CDH18: variants seen among roughly 807,000 people sequenced by gnomAD.
CDH18 encodes cadherin-18.
CDH18 carries 31 observed loss-of-function variants against 67.9 expected under a neutral mutation model. That is an observed-to-expected ratio of 0.46 (90% CI 0.34 to 0.62). The LOEUF (loss-of-function observed/expected upper bound fraction) is 0.62, where lower values mean the gene tolerates loss of function less well. Among genes scored for constraint, CDH18 ranks in the 20% least tolerant of loss-of-function variants. The pLI, the probability that CDH18 is intolerant of heterozygous loss-of-function variation, is 0.01. For missense variants in CDH18, 890 were observed against 975.5 expected, an observed-to-expected ratio of 0.91 and a Z score of 1.17; for synonymous variants, 362 against 347.2, an observed-to-expected ratio of 1.04 and a Z score of -0.48.
chr5:20,084,155 T>C (rs1348757622), intron 2 of CDH18, among the ~76,000 whole-genome samples: 1 of 152,198 alleles, frequency 6.6e-6, no homozygotes, highest in Non-Finnish European at 1.5e-5. Flanking sequence ...AGTTACTTCC[T>C]AGATACAGTT....
intron 1 of CDH18, among the ~76,000 whole-genome samples, chr5:20,491,988 T>C (rs1052008821): frequency 1.3e-5 from 2 of 152,158 alleles, no homozygotes; most frequent in Non-Finnish European, 2.9e-5. Context: ...TGTTTTATTT[T>C]ATTCAATATA....
intron 1 of CDH18, among the ~76,000 whole-genome samples, chr5:20,439,973 AATAT>A (rs2150188882): frequency 6.6e-6 from 1 of 151,962 alleles, no homozygotes; most frequent in South Asian, 2.1e-4. Context: ...GTATTGCTAT[AATAT>A]TGCTGTAAGA....
chr5:19,675,504 A>G (rs1759363087), intron 5 of CDH18, among the ~76,000 whole-genome samples: 1 of 152,086 alleles, frequency 6.6e-6, no homozygotes, highest in Non-Finnish European at 1.5e-5. Context: ...TGCTGAGAAA[A>G]AGAATTCAGC....
chr5:19,821,731 C>A (rs2149949499), intron 3 of CDH18, among the ~76,000 whole-genome samples: 1 of 152,200 alleles, frequency 6.6e-6, no homozygotes, highest in South Asian at 2.1e-4. Context: ...AAATCACTTA[C>A]AAAGGGAACC....
At chr5:19,518,352 T>C (rs114533165) in intron 10 of CDH18, among the ~76,000 whole-genome samples, 10,811 of 152,236 alleles carry the variant, frequency 0.071, 486 homozygotes, top group African/African-American at 0.13. Flanking sequence ...AACAAAATGC[T>C]ACCTAAATAT....
At chr5:19,736,410 G>T (rs750752400) in intron 4 of CDH18, among the ~76,000 whole-genome samples, 10 of 151,998 alleles carry the variant, frequency 6.6e-5, no homozygotes, top group Admixed American at 2.0e-4. Context: ...CTTCACAGGT[G>T]GGGGAGACAT....
intron 1 of CDH18, among the ~76,000 whole-genome samples, chr5:20,518,535 T>C (rs1012725899): frequency 6.6e-6 from 1 of 152,170 alleles, no homozygotes; most frequent in African/African-American, 2.4e-5. Flanking sequence ...AATTGCACAC[T>C]GAGGAAGATG....
At chr5:19,582,367 A>G (rs1743410071) in intron 7 of CDH18, among the ~76,000 whole-genome samples, 1 of 152,032 alleles carries the variant, frequency 6.6e-6, no homozygotes, top group African/African-American at 2.4e-5. Flanking sequence ...ACTGTATTTT[A>G]GGAATATATG....
At chr5:20,554,360 A>G (rs962327046) in intron 1 of CDH18, among the ~76,000 whole-genome samples, 2 of 152,170 alleles carry the variant, frequency 1.3e-5, no homozygotes, top group Admixed American at 1.3e-4. Flanking sequence ...GTAAAGGTTA[A>G]CCTTCTAGAT....
intron 2 of CDH18, among the ~76,000 whole-genome samples, chr5:20,104,898 C>T (rs979514366): frequency 6.6e-6 from 1 of 152,138 alleles, no homozygotes; most frequent in Non-Finnish European, 1.5e-5. Context: ...CCATTTATTG[C>T]TCTATTGAAT....
intron 7 of CDH18, among the ~76,000 whole-genome samples, chr5:19,589,046 A>G (rs1424313035): frequency 6.6e-6 from 1 of 152,028 alleles, no homozygotes; most frequent in African/African-American, 2.4e-5. Context: ...GCTCTAGAAG[A>G]TATCTATTTA....
At chr5:20,191,741 C>A (rs115059783) in intron 2 of CDH18, among the ~76,000 whole-genome samples, 5,226 of 152,046 alleles carry the variant, frequency 0.034, 305 homozygotes, top group African/African-American at 0.12. Context: ...ACCTCATTTT[C>A]TTTTTCCAGT....
chr5:19,748,132 A>AAAAAAAAAAAAAAAAAT (rs1561215815), intron 3 of CDH18, among the ~76,000 whole-genome samples: 1 of 144,332 alleles, frequency 6.9e-6, no homozygotes, highest in Non-Finnish European at 1.5e-5. Context: ...AAAAAAAAAA[A>AAAAAAAAAAAAAAAAAT]AGAGTACTTT....
intron 1 of CDH18, among the ~76,000 whole-genome samples, chr5:20,461,015 G>A (rs1057103780): frequency 6.6e-6 from 1 of 152,108 alleles, no homozygotes; most frequent in Non-Finnish European, 1.5e-5. Context: ...AATTTTCTCT[G>A]GGTTAAAATG....
At chr5:20,566,526 A>ATTTTTTTTTTTTTTTTTTTTTTTTT in intron 1 of CDH18, among the ~76,000 whole-genome samples, 1 of 97,380 alleles carries the variant, frequency 1.0e-5, no homozygotes, top group Non-Finnish European at 2.0e-5. Context: ...TGCCCAGCTA[A>ATTTTTTTTTTTTTTTTTTTTTTTTT]TTTTTTTTTT....
At chr5:19,504,610 T>C (rs1025270339) in intron 10 of CDH18, among the ~76,000 whole-genome samples, 1 of 152,070 alleles carries the variant, frequency 6.6e-6, no homozygotes, top group African/African-American at 2.4e-5. Flanking sequence ...GTCAATATTT[T>C]AAGTTTTTTA....
intron 1 of CDH18, among the ~76,000 whole-genome samples, chr5:20,318,765 T>A (rs931055526): frequency 8.5e-5 from 13 of 152,236 alleles, no homozygotes; most frequent in Admixed American, 3.9e-4. Flanking sequence ...TTTCTTTTTT[T>A]AAAAAATTAT....
intron 1 of CDH18, among the ~76,000 whole-genome samples, chr5:20,311,474 G>T (rs1392269608): frequency 6.6e-6 from 1 of 152,146 alleles, no homozygotes; most frequent in Non-Finnish European, 1.5e-5. Context: ...CATAAAAAAG[G>T]ATAAGTTCAT....
At chr5:20,054,886 C>T (rs764568650) in intron 2 of CDH18, among the ~76,000 whole-genome samples, 4 of 152,132 alleles carry the variant, frequency 2.6e-5, no homozygotes, top group Non-Finnish European at 5.9e-5. Flanking sequence ...ATGGAGCAGT[C>T]AGGTGATACA....
Sources: allele counts gnomAD v4.1 joint callset (sites outside exome capture counted in the v4.1 genomes callset), GRCh38; gene constraint gnomAD v4.1.1; transcripts MANE v1.5; gene names NCBI Gene and HGNC (gene_info 2026-07-23, HGNC 2026-07-21).